ZNF831: variants seen among roughly 807,000 people sequenced by gnomAD.
ZNF831 encodes the protein zinc finger protein 831.
In ZNF831, 59 loss-of-function variants were observed where a neutral mutation model predicts 95.8. That is an observed-to-expected ratio of 0.62 (90% CI 0.50 to 0.77). ZNF831 has a LOEUF of 0.77. Among genes scored for constraint, ZNF831 ranks in the 30% least tolerant of loss-of-function variants. The pLI is 0.00. For missense variants in ZNF831, 2,205 were observed against 2,164.0 expected, an observed-to-expected ratio of 1.02 and a Z score of -0.38; for synonymous variants, 961 against 925.5, an observed-to-expected ratio of 1.04 and a Z score of -0.70.
chr20:59,217,195 T>TGTGTGTGTGTAA lies in ZNF831; in HGVS notation c.4027+10139_4027+10140insGTGTGTGTGTAA, dbSNP rs11473400. Among the ~76,000 whole-genome samples the TGTGTGTGTGTAA allele has an allele frequency of 8.6e-5, 13 of 151,424 alleles. No individual in the cohort carries two copies. Among genetic ancestry groups the TGTGTGTGTGTAA allele is most frequent in the Non-Finnish European group, 1.8e-4 (12 of 67,756 alleles). ...GTGTGTGTGTGTGTGTGTGTGTGTG[T>TGTGTGTGTGTAA]AACACAGCAGCAGCACACTGCACAT... On this transcript the variant is annotated intron_variant, in intron 4 of 5. Transcript: ENST00000371030. The surrounding 1 kb of genome is among the most constrained non-coding windows in gnomAD (Gnocchi z 4.4).
At chr20:59,190,386 CT>C in intron 1 of ZNF831, among the ~76,000 whole-genome samples, 1 of 152,362 alleles carries the variant, frequency 6.6e-6, no homozygotes, top group South Asian at 2.1e-4. Context: ...TCAAATTTAA[CT>C]GGGAGTCTTG....
In ZNF831 at chr20:59,163,857, T is replaced by C. The variant is rs776178426; in HGVS notation, c.-387T>C. On this transcript the variant is annotated 5_prime_UTR_variant, in exon 1 of 6. Transcript: ENST00000371030. ...TATCTCTGCTTGAGTCTCTTCCAGG[T>C]TGCTTGAAATGGTGCTTTTCTCAGT... is the stretch of plus-strand genomic sequence containing the variant. 6.6e-6 allele frequency among the ~76,000 whole-genome samples: 1 copy of C among 152,116 alleles called. No homozygotes were observed. The highest frequency in any genetic ancestry group is 1.5e-5 in the Non-Finnish European group (1 of 68,018).
chr20:59,190,965 G>A lies in ZNF831; in HGVS notation c.-36-19G>A, dbSNP rs983458434. The A allele has an allele frequency of 6.8e-7, 1 of 1,462,260 alleles. No individual in the cohort carries two copies. The highest frequency in any genetic ancestry group is 1.5e-5 in the South Asian group (1 of 66,524). 90.6% of individuals were successfully genotyped at this position (1,462,260 alleles called of 1,614,324 possible). A position where few individuals can be genotyped will look rare whatever the true frequency, so the allele number is the denominator to read the frequency against. On this transcript the variant is annotated intron_variant, in intron 1 of 5. Transcript: ENST00000371030. ...AGAGAGGAGAGGTGCCCATGGTAAA[G>A]TTTGGTTGTTGTCTGCAGGTTTTCC...
chr20:59,137,516 G>C (rs1387197412), intron 1 of ZNF831, among the ~76,000 whole-genome samples: 3 of 152,142 alleles, frequency 2.0e-5, no homozygotes, highest in African/African-American at 4.8e-5. Flanking sequence ...ATCAAAGCTG[G>C]AGTCTGCATC....
At position 59,207,029 on chromosome 20, in the gene ZNF831, C is replaced by A; in HGVS notation, c.4000C>A (p.Pro1334Thr). Residue 1334 changes from proline (P) to threonine (T), a missense_variant, in exon 4 of 6, where the codon CCT (proline) becomes ACT (threonine). Pro to Thr is a conservative substitution (Grantham distance 38). Transcript: ENST00000371030. ...ALEGLKPCRT[P>T]GQTSSEIAGL... is the part of the protein sequence containing the mutation. ...TGAGGGACTGAAGCCATGCAGGACC[C>A]CTGGGCAGACCTCTTCAGAAATAGC... 1 of 1,614,110 alleles carries A rather than the reference C, an allele frequency of 6.2e-7. No homozygotes were observed. The highest frequency in any genetic ancestry group is 8.5e-7 in the Non-Finnish European group (1 of 1,180,024).
At chr20:59,253,161 G>T (rs1377453894) in intron 5 of ZNF831, 23 bp downstream of exon 5, 1 of 1,613,140 alleles carries the variant, frequency 6.2e-7, no homozygotes, top group Non-Finnish European at 8.5e-7. Flanking sequence ...ATTTTGAGCT[G>T]CCTCTACCTA....
intron 4 of ZNF831, among the ~76,000 whole-genome samples, chr20:59,237,988 T>C (rs920724526): frequency 6.6e-6 from 1 of 152,202 alleles, no homozygotes; most frequent in African/African-American, 2.4e-5. Context: ...AGCATAAGTA[T>C]GTCCTGAACA....
chr20:59,190,918 A>C, intron 1 of ZNF831, 66 bp from the exon 2 acceptor site: 1 of 1,381,174 alleles, frequency 7.2e-7, no homozygotes, highest in Non-Finnish European at 9.5e-7. Flanking sequence ...GGTGCAGGGT[A>C]GGCAAGATTT....
intron 2 of ZNF831, among the ~76,000 whole-genome samples, chr20:59,156,128 A>G (rs951280222): frequency 6.6e-6 from 1 of 152,236 alleles, no homozygotes; most frequent in African/African-American, 2.4e-5. Context: ...CTGTGAGACC[A>G]TCAGCACCAT....
Position 59,192,332 on chromosome 20 carries a change from G to A in ZNF831, c.1313G>A (p.Gly438Asp), listed in dbSNP as rs2146563741. ...RPRKTGLSKQGSIDLPTPYTY... is the reference protein window; with the variant it reads ...RPRKTGLSKQDSIDLPTPYTY... ...CGGAAGACCGGGCTGTCCAAACAGG[G>A]CAGCATCGACCTGCCCACGCCCTAC... The change falls in exon 2 of 6, where the codon GGC becomes GAC. Residue 438 changes from glycine (G) to aspartate (D), a missense_variant. Coordinates refer to ENST00000371030, the MANE Select transcript of ZNF831 (RefSeq NM_178457.3). This position sits in a 1 kb window ranked among gnomAD's most constrained non-coding sequence, Gnocchi z 5.2. 6.2e-7 allele frequency: 1 copy of A among 1,605,102 alleles called. No individual in the cohort carries two copies. The highest frequency in any genetic ancestry group is 8.5e-7 in the Non-Finnish European group (1 of 1,176,056).
At chr20:59,240,222 T>C (rs1600674775) in intron 4 of ZNF831, among the ~76,000 whole-genome samples, 1 of 151,080 alleles carries the variant, frequency 6.6e-6, no homozygotes, top group African/African-American at 2.4e-5. Flanking sequence ...CCTTCTGCAG[T>C]TGGAATTTTC....
chr20:59,150,989 C>G (rs1056109251), intron 2 of ZNF831, among the ~76,000 whole-genome samples: 2 of 152,162 alleles, frequency 1.3e-5, no homozygotes, highest in African/African-American at 4.8e-5. Context: ...TACACTTGGC[C>G]CGCCTGCCCA....
At chr20:59,209,134 C>T (rs1333562501) in intron 4 of ZNF831, among the ~76,000 whole-genome samples, 1 of 152,180 alleles carries the variant, frequency 6.6e-6, no homozygotes, top group Non-Finnish European at 1.5e-5. Flanking sequence ...TTTGCTTCCC[C>T]GGGACATCTC....
chr20:59,185,426 A>G (rs1369071700), intron 1 of ZNF831, among the ~76,000 whole-genome samples: 7 of 151,844 alleles, frequency 4.6e-5, no homozygotes, highest in African/African-American at 1.7e-4. Context: ...CTCCCACCCT[A>G]TGAGAGTCAG....
upstream of ZNF831, among the ~76,000 whole-genome samples, chr20:59,159,501 T>C (rs1399089663): frequency 1.3e-5 from 2 of 152,150 alleles, no homozygotes; most frequent in African/African-American, 4.8e-5. Context: ...GATAATTGCA[T>C]GGGGTGTTCA....
intron 1 of ZNF831, among the ~76,000 whole-genome samples, chr20:59,137,973 C>A (rs1979564473): frequency 6.6e-6 from 1 of 152,134 alleles, no homozygotes; most frequent in Non-Finnish European, 1.5e-5. Context: ...TTCAGAAATG[C>A]ATTATTTCCC....
At chr20:59,225,089 TG>T (rs1181554583) in intron 4 of ZNF831, among the ~76,000 whole-genome samples, 1 of 152,222 alleles carries the variant, frequency 6.6e-6, no homozygotes, top group African/African-American at 2.4e-5. Context: ...TCAATTAATC[TG>T]GATTCATTTA....
At chr20:59,183,093 G>C (rs747726060) in intron 1 of ZNF831, among the ~76,000 whole-genome samples, 1 of 152,224 alleles carries the variant, frequency 6.6e-6, no homozygotes, top group African/African-American at 2.4e-5. Flanking sequence ...GCCTGGTTCT[G>C]GGAAGTTGGG....
chr20:59,240,144 CT>C lies in ZNF831; in HGVS notation c.4028-12833del, dbSNP rs962157671. Among the ~76,000 whole-genome samples the C allele has an allele frequency of 8.3e-4, 124 of 150,154 alleles. 1 individual carries two copies. In the Middle Eastern group the frequency reaches 0.02, roughly 25 times the overall value. Reference sequence around the variant, plus strand: ...CCCACCTACCCCCACAGTCCCCCAGCTGCTGTCTATCCTCTGTGCGGAATTG... The same window carrying C: ...CCCACCTACCCCCACAGTCCCCCAGCGCTGTCTATCCTCTGTGCGGAATTG... On this transcript the variant is annotated intron_variant, in intron 4 of 5. Coordinates refer to ENST00000371030, the MANE Select transcript of ZNF831 (RefSeq NM_178457.3).
Sources: allele counts gnomAD v4.1 joint callset (sites outside exome capture counted in the v4.1 genomes callset), GRCh38; gene constraint gnomAD v4.1.1; non-coding constraint Gnocchi (gnomAD v3.1); transcripts MANE v1.5; gene names NCBI Gene and HGNC (gene_info 2026-07-23, HGNC 2026-07-21).